Variants in DOCK7 observed in about 807,000 individuals in gnomAD.
The protein encoded by DOCK7 is dedicator of cytokinesis 7.
In DOCK7, 138 loss-of-function variants were observed where a neutral mutation model predicts 271.0. The observed-to-expected ratio is 0.51, with a 90% CI of 0.44 to 0.59. DOCK7 has a LOEUF of 0.59. DOCK7 is among the 20% of genes least tolerant of loss of function. The pLI, the probability that DOCK7 is intolerant of heterozygous loss-of-function variation, is 0.00. For missense variants in DOCK7, 2,066 were observed against 2,592.4 expected (o/e 0.80, Z 4.41); for synonymous variants, 823 against 876.1 (o/e 0.94, Z 1.07).
chr1:62,679,779 C>G (rs1660907184), intron 1 of DOCK7, among the ~76,000 whole-genome samples: 1 of 152,172 alleles, frequency 6.6e-6, no homozygotes, highest in Non-Finnish European at 1.5e-5. Flanking sequence ...AGTGAACTCC[C>G]ATTCACAATT....
chr1:62,645,645 C>A (rs1656555352), intron 7 of DOCK7, among the ~76,000 whole-genome samples: 1 of 152,134 alleles, frequency 6.6e-6, no homozygotes, highest in Non-Finnish European at 1.5e-5. Flanking sequence ...CTGAAATCCA[C>A]TGAATTGTAT....
At chr1:62,505,918 T>G in intron 35 of DOCK7, 102 bp from the exon 36 acceptor site, 2 of 1,125,038 alleles carry the variant, frequency 1.8e-6, no homozygotes, top group South Asian at 4.1e-5. Context: ...CCTGTATGTA[T>G]AAGTAAAGTT....
intron 41 of DOCK7, 163 bp downstream of exon 41, chr1:62,492,541 G>A: frequency 1.4e-6 from 1 of 739,504 alleles, no homozygotes; most frequent in Non-Finnish European, 2.2e-6. Flanking sequence ...TCCCGTCTTA[G>A]CCTCTCAAAG....
chr1:62,543,683 T>G lies in DOCK7; in HGVS notation c.2922A>C (p.Thr974=), dbSNP rs754252841. 1.2e-6 allele frequency: 2 copies of G among 1,604,778 alleles called. No individual in the cohort carries two copies. The highest frequency in any genetic ancestry group is 8.5e-7 in the Non-Finnish European group (1 of 1,173,076). The change falls in exon 24 of 50, where the codon ACA becomes ACC. Residue 974 remains threonine, a synonymous_variant. Coordinates refer to ENST00000635253, the MANE Select transcript of DOCK7 (RefSeq NM_001367561.1). Reference sequence around the variant, plus strand: ...TTTTAGTTGGTAAGCGTCCCGTTAATGTTTGTAAGAAACTTGACGTCTCTG... The same window carrying G: ...TTTTAGTTGGTAAGCGTCCCGTTAAGGTTTGTAAGAAACTTGACGTCTCTG... ...SHTETSSFLQ[T]LTGRLPTKKL...
intron 20 of DOCK7, among the ~76,000 whole-genome samples, chr1:62,556,555 T>C (rs566227716): frequency 4.9e-4 from 73 of 148,440 alleles, no homozygotes; most frequent in Non-Finnish European, 9.6e-4. Context: ...GAAAAACAGG[T>C]TGAGGTAAGA....
intron 29 of DOCK7, among the ~76,000 whole-genome samples, chr1:62,534,641 C>T (rs981690235): frequency 6.6e-6 from 1 of 151,986 alleles, no homozygotes; most frequent in African/African-American, 2.4e-5. Context: ...AACAAACAAA[C>T]AAACAAAAAT....
Position 62,560,739 on chromosome 1 carries a change from G to A in DOCK7, c.2199+878C>T, listed in dbSNP as rs527927098. ...TGTCCACTCTCCCTTTCTCTGAGTA[G>A]TAAATGGCTACTTATAAATGCAACA... On this transcript the variant is annotated intron_variant, in intron 19 of 49. Transcript: ENST00000635253. 2.3e-3 allele frequency among the ~76,000 whole-genome samples: 354 copies of A among 152,226 alleles called. 3 individuals are homozygous for A. The highest frequency in any genetic ancestry group is 8.3e-3 in the African/African-American group (345 of 41,548).
chr1:62,491,002 C>T (rs891822316), intron 41 of DOCK7, among the ~76,000 whole-genome samples: 73 of 152,142 alleles, frequency 4.8e-4, no homozygotes, highest in African/African-American at 1.4e-3. Context: ...TTACTTGGAA[C>T]GAGGCGCTGT....
intron 7 of DOCK7, among the ~76,000 whole-genome samples, chr1:62,641,867 T>C (rs1215218091): frequency 2.0e-5 from 3 of 152,228 alleles, no homozygotes; most frequent in African/African-American, 7.2e-5. Context: ...TTAATATTGT[T>C]CCCTCAGCTT....
chr1:62,569,489 C>T (rs1646694481), intron 18 of DOCK7, among the ~76,000 whole-genome samples: 1 of 152,038 alleles, frequency 6.6e-6, no homozygotes. Context: ...ACAAAAACCA[C>T]ATTATTACCT....
chr1:62,606,315 T>TAA (rs546315183), intron 14 of DOCK7, among the ~76,000 whole-genome samples: 9 of 139,458 alleles, frequency 6.5e-5, no homozygotes, highest in South Asian at 2.3e-4. Flanking sequence ...TTGGTTTCCT[T>TAA]AAAAAAAAAA....
intron 14 of DOCK7, chr1:62,608,317 C>G (rs1248198529): frequency 6.6e-6 from 1 of 152,118 alleles, no homozygotes; most frequent in Admixed American, 6.6e-5. Flanking sequence ...CCATTTTTTC[C>G]CACAACACAA....
chr1:62,605,249 A>C, intron 14 of DOCK7: 1 of 162,790 alleles, frequency 6.1e-6, no homozygotes, highest in Non-Finnish European at 1.3e-5. Context: ...GTAATTGTAC[A>C]GTTCTTAAAT....
intron 39 of DOCK7, chr1:62,495,253 T>A (rs996986205): frequency 1.8e-5 from 3 of 164,814 alleles, no homozygotes; most frequent in African/African-American, 7.2e-5. Flanking sequence ...GATCCAAAGA[T>A]GCCACCTGGA....
rs59893499 is a variant in DOCK7, at chr1:62,562,233, C to CTTTTTTTT, written c.2113-538_2113-531dup. On this transcript the variant is annotated intron_variant, in intron 18 of 49. Transcript: ENST00000635253. ...GCCTGTTGGTTTAAGGATCCAAAAA[C>CTTTTTTTT]TTTTTTTTTTTTTTTTGAAATAGAG... Among the ~76,000 whole-genome samples, 99 of 121,246 alleles carry CTTTTTTTT rather than the reference C, an allele frequency of 8.2e-4. 27 individuals are homozygous for CTTTTTTTT. The highest frequency in any genetic ancestry group is 2.2e-3 in the East Asian group (8 of 3,660). The allele number at this position is 121,246 out of a possible 152,430, so 79.5% of individuals were successfully genotyped here.
rs138050652 is a variant in DOCK7, at chr1:62,610,482, T to C, written c.1682+8224A>G. Among the ~76,000 whole-genome samples the C allele has an allele frequency of 7.2e-3, 1,090 of 152,216 alleles. 12 individuals are homozygous for C. The highest frequency in any genetic ancestry group is 0.024 in the Middle Eastern group (7 of 294). On this transcript the variant is annotated intron_variant, in intron 14 of 49. Transcript: ENST00000635253. ...CATTTACTATTATTATTATTATTAT[T>C]ATACTTTAAGTTCTGGGATACATGC... is the stretch of plus-strand genomic sequence containing the variant.
At chr1:62,461,677 T>TAAATAAAATA (rs71045843) in intron 48 of DOCK7, among the ~76,000 whole-genome samples, 44,548 of 134,668 alleles carry the variant, frequency 0.33, 8,250 homozygotes, top group East Asian at 0.63. Flanking sequence ...TCTCAAAAAA[T>TAAATAAAATA]AAATAAAATA....
At chr1:62,568,447 C>T (rs1326483378) in intron 18 of DOCK7, among the ~76,000 whole-genome samples, 11 of 144,876 alleles carry the variant, frequency 7.6e-5, no homozygotes, top group South Asian at 2.3e-4. Context: ...ATTACAGGCA[C>T]GTGCCACCAT....
chr1:62,456,386 G>C (rs1645348742), intron 49 of DOCK7, among the ~76,000 whole-genome samples: 1 of 152,026 alleles, frequency 6.6e-6, no homozygotes, highest in South Asian at 2.1e-4. Context: ...ATTATCAGTT[G>C]GTTTCTTTTA....
Sources: gnomAD v4.1 joint callset for allele counts (sites outside exome capture counted in the v4.1 genomes callset) on GRCh38, gnomAD v4.1.1 for gene constraint, MANE v1.5 for transcripts, NCBI Gene and HGNC (gene_info 2026-07-23, HGNC 2026-07-21) for gene names.